The following RBFOX1 variants were observed in gnomAD, a reference collection of about 807,000 sequenced individuals.
RBFOX1 encodes the protein RNA binding protein fox-1 homolog 1.
In RBFOX1, 8 loss-of-function variants were observed where a neutral mutation model predicts 57.7. The observed-to-expected ratio is 0.14, with a 90% CI of 0.08 to 0.25. The LOEUF is 0.25. Among genes scored for constraint, RBFOX1 ranks in the 10% least tolerant of loss-of-function variants. The pLI is 1.00. For synonymous variants in RBFOX1, 326 were observed against 222.4 expected, an observed-to-expected ratio of 1.47 and a Z score of -4.15; for missense variants, 611 against 548.5, an observed-to-expected ratio of 1.11 and a Z score of -1.14.
intron 4 of RBFOX1, among the ~76,000 whole-genome samples, chr16:5,912,644 A>T (rs1385113839): frequency 1.3e-5 from 2 of 152,204 alleles, no homozygotes; most frequent in Admixed American, 6.5e-5. Flanking sequence ...AAGTATAATT[A>T]TTTCCTATTT....
intron 4 of RBFOX1, among the ~76,000 whole-genome samples, chr16:7,433,941 A>T (rs2098702471): frequency 6.6e-6 from 1 of 152,224 alleles, no homozygotes; most frequent in Non-Finnish European, 1.5e-5. Context: ...TAGACAATTC[A>T]TTTATAAGCT....
chr16:7,012,738 C>T (rs940485287), intron 3 of RBFOX1, among the ~76,000 whole-genome samples: 3 of 152,204 alleles, frequency 2.0e-5, no homozygotes, highest in African/African-American at 7.2e-5. Context: ...GGAAGCTGTG[C>T]ACACTGGATT....
chr16:6,445,942 A>G (rs1019981322), intron 2 of RBFOX1, among the ~76,000 whole-genome samples: 1 of 150,244 alleles, frequency 6.7e-6, no homozygotes, highest in African/African-American at 2.5e-5. Context: ...CTATACACAG[A>G]GTAGGTCCTT....
At chr16:6,106,039 G>T (rs921423218) in intron 1 of RBFOX1, among the ~76,000 whole-genome samples, 1 of 151,820 alleles carries the variant, frequency 6.6e-6, no homozygotes, top group Non-Finnish European at 1.5e-5. Context: ...ATGAAAATTT[G>T]TAAGTAGAGA....
chr16:6,090,652 A>G (rs2096157904), intron 1 of RBFOX1, among the ~76,000 whole-genome samples: 1 of 152,226 alleles, frequency 6.6e-6, no homozygotes, highest in African/African-American at 2.4e-5. Context: ...TTTACTCTTC[A>G]GATTCTGAAC....
chr16:5,283,137 G>C (rs1369645023), intron 1 of RBFOX1, among the ~76,000 whole-genome samples: 2 of 152,226 alleles, frequency 1.3e-5, no homozygotes, highest in African/African-American at 4.8e-5. Context: ...ACATAGTGTT[G>C]AGCCTGTGGG....
At chr16:6,784,308 G>C (rs961321450) in intron 3 of RBFOX1, among the ~76,000 whole-genome samples, 41 of 151,704 alleles carry the variant, frequency 2.7e-4, no homozygotes, top group African/African-American at 9.7e-4. Context: ...TTCTTTTTTA[G>C]CTTCTTTTTT....
intron 1 of RBFOX1, among the ~76,000 whole-genome samples, chr16:5,274,764 A>T (rs2063101042): frequency 6.6e-6 from 1 of 152,174 alleles, no homozygotes; most frequent in African/African-American, 2.4e-5. Context: ...AGGCTTTTTT[A>T]GGGCAAGCAG....
intron 2 of RBFOX1, among the ~76,000 whole-genome samples, chr16:6,533,656 C>T (rs966718302): frequency 6.6e-6 from 1 of 152,052 alleles, no homozygotes; most frequent in African/African-American, 2.4e-5. Flanking sequence ...ACAAATAATC[C>T]TGGACCTACT....
intron 2 of RBFOX1, among the ~76,000 whole-genome samples, chr16:6,447,120 A>G (rs948875471): frequency 3.9e-5 from 6 of 152,176 alleles, no homozygotes; most frequent in African/African-American, 1.2e-4. Context: ...GTTAAAATTC[A>G]TTCATTAAAA....
At chr16:6,768,214 C>G (rs544264573) in intron 3 of RBFOX1, among the ~76,000 whole-genome samples, 2 of 151,748 alleles carry the variant, frequency 1.3e-5, no homozygotes, top group African/African-American at 4.8e-5. Flanking sequence ...AAAACAAGAC[C>G]GAAAACAAAA....
intron 1 of RBFOX1, among the ~76,000 whole-genome samples, chr16:6,156,542 T>G (rs1330181973): frequency 6.6e-6 from 1 of 152,228 alleles, no homozygotes; most frequent in African/African-American, 2.4e-5. Flanking sequence ...TTTTCTTTCT[T>G]TTGGCAAAGT....
chr16:7,024,343 A>G (rs1183666259), intron 3 of RBFOX1, among the ~76,000 whole-genome samples: 1 of 152,152 alleles, frequency 6.6e-6, no homozygotes, highest in Non-Finnish European at 1.5e-5. Context: ...GTGATTTTTT[A>G]AAATAATAAT....
chr16:7,695,649 CAAAAA>C (rs34363093), intron 14 of RBFOX1, among the ~76,000 whole-genome samples: 24 of 98,396 alleles, frequency 2.4e-4, no homozygotes, highest in South Asian at 7.3e-4. Flanking sequence ...AAGCCTCCAT[CAAAAA>C]AAAAAAAAAA....
At chr16:5,416,499 C>T (rs548196466) in intron 1 of RBFOX1, among the ~76,000 whole-genome samples, 1 of 152,082 alleles carries the variant, frequency 6.6e-6, no homozygotes, top group African/African-American at 2.4e-5. Flanking sequence ...CCATACTGGG[C>T]TAGAAACTGG....
intron 2 of RBFOX1, among the ~76,000 whole-genome samples, chr16:6,396,101 C>A (rs6500781): frequency 6.8e-6 from 1 of 146,578 alleles, no homozygotes; most frequent in African/African-American, 2.5e-5. Context: ...CAACTAACAC[C>A]TTTACTCTTA....
intron 3 of RBFOX1, among the ~76,000 whole-genome samples, chr16:6,974,775 C>A (rs928857560): frequency 1.3e-5 from 2 of 152,122 alleles, no homozygotes; most frequent in African/African-American, 4.8e-5. Flanking sequence ...AGAAAACCCC[C>A]TGTGTTTGCA....
At chr16:6,527,080 C>T (rs556776745) in intron 2 of RBFOX1, among the ~76,000 whole-genome samples, 2 of 152,032 alleles carry the variant, frequency 1.3e-5, no homozygotes, top group Non-Finnish European at 2.9e-5. Context: ...CCATTAGTCT[C>T]TTTGTACCCA....
intron 3 of RBFOX1, among the ~76,000 whole-genome samples, chr16:6,949,658 C>T (rs2080286356): frequency 2.0e-5 from 3 of 152,090 alleles, no homozygotes; most frequent in Admixed American, 6.6e-5. Context: ...ATTAAATCCC[C>T]AACCTTATGA....
Sources: allele counts gnomAD v4.1 joint callset (sites outside exome capture counted in the v4.1 genomes callset), GRCh38; gene constraint gnomAD v4.1.1; transcripts MANE v1.5; gene names NCBI Gene and HGNC (gene_info 2026-07-23, HGNC 2026-07-21).